Variants in KRABD3 observed in about 807,000 individuals in gnomAD.
KRABD3 encodes the protein KRAB domain containing 3, also known as KRAB domain-containing protein 3.
At chr7:149,729,469 T>C in the KRABD3 span, 1 of 1,284,600 alleles carries the variant, frequency 7.8e-7, no homozygotes, top group Non-Finnish European at 9.9e-7. Flanking sequence ...TTCTTCCCCA[T>C]CTCTCATCCT....
the KRABD3 span, chr7:149,721,638 C>A: frequency 1.6e-6 from 2 of 1,243,564 alleles, no homozygotes; most frequent in Non-Finnish European, 2.3e-6. Context: ...TTTTCTAGGA[C>A]TCAGTTCCCC....
chr7:149,726,137 A>G, the KRABD3 span: 1 of 1,325,518 alleles, frequency 7.5e-7, no homozygotes, highest in Non-Finnish European at 1.0e-6. Flanking sequence ...CTCTGGCTTG[A>G]CTGGGTCAGA....
chr7:149,731,750 T>C, the KRABD3 span: 8 of 1,611,900 alleles, frequency 5.0e-6, no homozygotes, highest in Non-Finnish European at 6.8e-6. Flanking sequence ...GGCCTGGAGC[T>C]TGGACATGGA....
At chr7:149,718,206 A>G in the KRABD3 span, among the ~76,000 whole-genome samples, 1 of 152,168 alleles carries the variant, frequency 6.6e-6, no homozygotes, top group South Asian at 2.1e-4. Flanking sequence ...CAGGAGTTCA[A>G]GACTGGCCTG....
chr7:149,719,921 A>T, the KRABD3 span: 1 of 1,422,104 alleles, frequency 7.0e-7, no homozygotes, highest in South Asian at 1.4e-5. The surrounding 1 kb of genome is among the most constrained non-coding windows in gnomAD (Gnocchi z 5.6). Flanking sequence ...ATGTGCACAG[A>T]CCTGCAGGGG....
the KRABD3 span, chr7:149,733,374 GTGC>G: frequency 3.7e-6 from 6 of 1,611,858 alleles, no homozygotes; most frequent in Non-Finnish European, 5.1e-6. Context: ...CACAGCCTCG[GTGC>G]TGCCCTTGCG....
chr7:149,731,869 G>A, the KRABD3 span: 21 of 846,916 alleles, frequency 2.5e-5, no homozygotes, highest in Non-Finnish European at 3.8e-5. Flanking sequence ...GTGTTTGAGT[G>A]ATGGGTAGGA....
chr7:149,730,363 G>C, the KRABD3 span: 1 of 1,547,070 alleles, frequency 6.5e-7, no homozygotes, highest in Non-Finnish European at 8.7e-7. Flanking sequence ...CGGAGAGGGA[G>C]GATAGCGGGA....
chr7:149,726,065 GCT>G, the KRABD3 span: 4 of 1,607,886 alleles, frequency 2.5e-6, no homozygotes, highest in South Asian at 4.5e-5. Flanking sequence ...GAAAAGGTGA[GCT>G]GGGCCAGCCC....
At chr7:149,729,365 C>G in the KRABD3 span, 1 of 1,493,104 alleles carries the variant, frequency 6.7e-7, no homozygotes, top group Middle Eastern at 1.8e-4. Flanking sequence ...AGGTGGCTCC[C>G]AGAGGGTGAG....
the KRABD3 span, chr7:149,730,694 G>A: frequency 3.4e-5 from 41 of 1,213,366 alleles, no homozygotes; most frequent in East Asian, 7.7e-5. Context: ...CACATTGGCC[G>A]TGCTTTAGTT....
At chr7:149,729,963 C>G in the KRABD3 span, 3 of 1,291,312 alleles carry the variant, frequency 2.3e-6, no homozygotes, top group Non-Finnish European at 2.9e-6. Flanking sequence ...GGGTCCTGGC[C>G]AGGCTCTGGC....
chr7:149,728,339 G>T, the KRABD3 span, among the ~76,000 whole-genome samples: 1 of 152,346 alleles, frequency 6.6e-6, no homozygotes, highest in East Asian at 1.9e-4. Flanking sequence ...GCCAGGACAG[G>T]CCAGGCTTCT....
the KRABD3 span, chr7:149,722,699 C>A: frequency 6.6e-7 from 1 of 1,515,542 alleles, no homozygotes; most frequent in African/African-American, 1.4e-5. Context: ...GAATCTCAGC[C>A]GCCCGGAGAC....
the KRABD3 span, among the ~76,000 whole-genome samples, chr7:149,717,483 T>C: frequency 6.6e-6 from 1 of 152,258 alleles, no homozygotes; most frequent in South Asian, 2.1e-4. Context: ...GGAAGAAATG[T>C]AAATAACTCT....
chr7:149,727,014 T>C, the KRABD3 span, among the ~76,000 whole-genome samples: 1 of 152,210 alleles, frequency 6.6e-6, no homozygotes, highest in Admixed American at 6.5e-5. Flanking sequence ...AAACATACAG[T>C]GAGGTTCATG....
the KRABD3 span, chr7:149,730,180 T>C: frequency 6.4e-7 from 1 of 1,569,982 alleles, no homozygotes. Context: ...CTGCACTGCC[T>C]GGAGAGCGCC....
the KRABD3 span, chr7:149,722,137 G>T: frequency 4.2e-6 from 2 of 476,464 alleles, no homozygotes; most frequent in Non-Finnish European, 3.8e-6. Context: ...GGTTTGAGAA[G>T]CGTGAGTGTG....
At chr7:149,732,725 C>A in the KRABD3 span, among the ~76,000 whole-genome samples, 2 of 152,178 alleles carry the variant, frequency 1.3e-5, no homozygotes, top group Non-Finnish European at 2.9e-5. This position sits in a 1 kb window ranked among gnomAD's most constrained non-coding sequence, Gnocchi z 4.0. Flanking sequence ...ACGAAGAGCA[C>A]TGAGTTCTGG....
Sources: allele counts gnomAD v4.1 joint callset (sites outside exome capture counted in the v4.1 genomes callset), GRCh38; gene constraint gnomAD v4.1.1; non-coding constraint Gnocchi (gnomAD v3.1); transcripts MANE v1.5; gene names NCBI Gene and HGNC (gene_info 2026-07-23, HGNC 2026-07-21).